The following OPRM1 variants were observed in gnomAD, a reference collection of about 807,000 sequenced individuals.
OPRM1 encodes the protein opioid receptor mu 1.
OPRM1 carries 27 observed loss-of-function variants against 31.8 expected under a neutral mutation model. The ratio of observed to expected loss-of-function variants is 0.85; its 90% confidence interval spans 0.63 to 1.17. The LOEUF is 1.17. Ranked by LOEUF, OPRM1 falls within the 50% of genes most tolerant of loss-of-function variation. OPRM1 has a pLI of 0.00. For synonymous variants in OPRM1, 196 were observed against 189.9 expected, an observed-to-expected ratio of 1.03 and a Z score of -0.26; for missense variants, 536 against 511.1, an observed-to-expected ratio of 1.05 and a Z score of -0.47.
intron 3 of OPRM1, among the ~76,000 whole-genome samples, chr6:154,102,918 C>CAAAAA (rs58694186): frequency 3.7e-5 from 3 of 80,792 alleles, no homozygotes; most frequent in Non-Finnish European, 2.9e-5. Context: ...TAACCAGTTG[C>CAAAAA]AAAAAAAAAA....
chr6:154,237,285 C>G (rs932085258), intron 3 of OPRM1, among the ~76,000 whole-genome samples: 1 of 152,242 alleles, frequency 6.6e-6, no homozygotes, highest in Non-Finnish European at 1.5e-5. Context: ...GTTAACTGAA[C>G]TCTTCCTCCA....
chr6:154,129,852 GCACACACACA>G lies in OPRM1; in HGVS notation c.*11156_*11165del, dbSNP rs59576607. ...TTACCACCGACACCCTCCCCCCCCAGCACACACACACACACACACACACACACACACACAA... is the reference window on the plus strand; with the variant it reads ...TTACCACCGACACCCTCCCCCCCCAGCACACACACACACACACACACACAA... On this transcript the variant is annotated 3_prime_UTR_variant, in exon 4 of 4. Coordinates refer to ENST00000330432, the MANE Select transcript of OPRM1 (RefSeq NM_000914.5). Among the ~76,000 whole-genome samples the G allele has an allele frequency of 2.9e-3, 383 of 131,564 alleles. No homozygotes were observed. The highest frequency in any genetic ancestry group is 9.3e-3 in the African/African-American group (332 of 35,876). 86.3% of individuals were successfully genotyped at this position (131,564 alleles called of 152,430 possible).
intron 3 of OPRM1, among the ~76,000 whole-genome samples, chr6:154,100,889 A>T (rs1230543908): frequency 2.0e-5 from 3 of 148,492 alleles, no homozygotes; most frequent in African/African-American, 4.9e-5. Context: ...ATATAAATAT[A>T]TATGTATATA....
chr6:154,167,881 A>G (rs372456265), intron 3 of OPRM1: 5 of 1,461,234 alleles, frequency 3.4e-6, no homozygotes, highest in Non-Finnish European at 4.7e-6. Context: ...TCCTTGCCCC[A>G]CATCCATAGA....
chr6:154,212,919 G>T (rs778497790), intron 3 of OPRM1: 4 of 1,130,576 alleles, frequency 3.5e-6, no homozygotes, highest in Non-Finnish European at 5.3e-6. Context: ...TAATGCATGA[G>T]CAGAGGTTTA....
intron 3 of OPRM1, among the ~76,000 whole-genome samples, chr6:154,112,304 G>C (rs1464199217): frequency 6.6e-6 from 1 of 152,146 alleles, no homozygotes; most frequent in Non-Finnish European, 1.5e-5. Context: ...ACAATTTTAT[G>C]GGTGCTAGAA....
chr6:154,208,949 T>G (rs1028372324), intron 3 of OPRM1, among the ~76,000 whole-genome samples: 1 of 152,180 alleles, frequency 6.6e-6, no homozygotes, highest in Non-Finnish European at 1.5e-5. Context: ...GGATGTTCTT[T>G]CCACTATCAA....
At chr6:154,027,996 A>G (rs1022492322) in intron 1 of OPRM1, among the ~76,000 whole-genome samples, 7 of 152,166 alleles carry the variant, frequency 4.6e-5, no homozygotes, top group Admixed American at 3.9e-4. Flanking sequence ...CTAAGGTGCA[A>G]GACAAAGTCC....
chr6:154,134,699 G>C (rs1188150300), downstream of OPRM1, among the ~76,000 whole-genome samples: 2 of 152,182 alleles, frequency 1.3e-5, no homozygotes, highest in South Asian at 2.1e-4. Context: ...TTCTGACTCA[G>C]ATAGAAGGAG....
At chr6:154,087,077 T>C (rs1219878252) in intron 1 of OPRM1, 1 of 984,548 alleles carries the variant, frequency 1.0e-6, no homozygotes, top group African/African-American at 1.7e-5. Flanking sequence ...GTTAAATGGC[T>C]CTATCTTTTT....
intron 3 of OPRM1, among the ~76,000 whole-genome samples, chr6:154,162,380 A>T (rs1799096747): frequency 1.3e-5 from 2 of 152,210 alleles, no homozygotes; most frequent in Admixed American, 1.3e-4. Flanking sequence ...ATTCAGTCCC[A>T]TCAGGGTTTG....
At chr6:154,158,762 T>C (rs1391457588) in intron 3 of OPRM1, 1 of 152,220 alleles carries the variant, frequency 6.6e-6, no homozygotes, top group African/African-American at 2.4e-5. Flanking sequence ...TATAATAGTA[T>C]ATCATCTTTT....
At chr6:154,227,410 TA>T (rs1377350145) in intron 3 of OPRM1, among the ~76,000 whole-genome samples, 1 of 151,822 alleles carries the variant, frequency 6.6e-6, no homozygotes, top group Admixed American at 6.6e-5. Context: ...CTTTTAGTAA[TA>T]TTTTTATTCA....
intron 3 of OPRM1, chr6:154,092,027 T>C (rs927096797): frequency 3.7e-6 from 2 of 544,372 alleles, no homozygotes; most frequent in African/African-American, 2.0e-5. Flanking sequence ...CTACCTGAAC[T>C]CTAGCACAAA....
chr6:154,045,952 C>A (rs779731047), intron 1 of OPRM1, among the ~76,000 whole-genome samples: 2 of 152,202 alleles, frequency 1.3e-5, no homozygotes, highest in Non-Finnish European at 2.9e-5. Flanking sequence ...AAAAACATGC[C>A]TCGTTTTCCT....
intron 3 of OPRM1, among the ~76,000 whole-genome samples, chr6:154,240,597 T>C (rs1260336090): frequency 2.6e-5 from 4 of 152,202 alleles, no homozygotes; most frequent in Non-Finnish European, 5.9e-5. Context: ...ATTTTGACTT[T>C]CAAGTAACAT....
chr6:154,054,238 A>C (rs1036058442), intron 1 of OPRM1, among the ~76,000 whole-genome samples: 1 of 152,034 alleles, frequency 6.6e-6, no homozygotes, highest in Non-Finnish European at 1.5e-5. Context: ...GCATGGCGGC[A>C]TGCACCTGTA....
intron 1 of OPRM1, among the ~76,000 whole-genome samples, chr6:154,075,762 C>T (rs1787769743): frequency 1.3e-5 from 2 of 152,202 alleles, no homozygotes; most frequent in Admixed American, 6.5e-5. Flanking sequence ...TTGGAAGACT[C>T]AACCCCACCT....
intron 3 of OPRM1, among the ~76,000 whole-genome samples, chr6:154,234,354 T>C (rs1047126913): frequency 6.6e-6 from 1 of 152,126 alleles, no homozygotes; most frequent in African/African-American, 2.4e-5. Flanking sequence ...AAGGAGAACT[T>C]TATTAACTTT....
Sources: allele counts gnomAD v4.1 joint callset (sites outside exome capture counted in the v4.1 genomes callset), GRCh38; gene constraint gnomAD v4.1.1; transcripts MANE v1.5; gene names NCBI Gene and HGNC (gene_info 2026-07-23, HGNC 2026-07-21).